The following TMEM181 variants were observed in gnomAD, a reference collection of about 807,000 sequenced individuals.
The protein encoded by TMEM181 is transmembrane protein 181.
TMEM181 carries 39 observed loss-of-function variants against 71.9 expected under a neutral mutation model. That is an observed-to-expected ratio of 0.54 (90% CI 0.42 to 0.71). The LOEUF (loss-of-function observed/expected upper bound fraction) is 0.71. Among genes scored for constraint, TMEM181 ranks in the 30% least tolerant of loss-of-function variants. The pLI, the probability that TMEM181 is intolerant of heterozygous loss-of-function variation, is 0.00. For missense variants in TMEM181, 595 were observed against 583.0 expected (o/e 1.02, Z -0.21); for synonymous variants, 245 against 228.8 (o/e 1.07, Z -0.64).
At chr6:158,606,492 C>T (rs1784966645) in intron 7 of TMEM181, among the ~76,000 whole-genome samples, 1 of 152,224 alleles carries the variant, frequency 6.6e-6, no homozygotes, top group South Asian at 2.1e-4. Context: ...ATTTATTACT[C>T]AGGGCCCCAA....
At chr6:158,574,721 A>G (rs1423039305) in intron 2 of TMEM181, among the ~76,000 whole-genome samples, 1 of 152,184 alleles carries the variant, frequency 6.6e-6, no homozygotes, top group Non-Finnish European at 1.5e-5. Context: ...CAGAATCAAT[A>G]CGAAATATCT....
chr6:158,537,460 G>T (rs1466296336), intron 1 of TMEM181, among the ~76,000 whole-genome samples: 1 of 152,184 alleles, frequency 6.6e-6, no homozygotes, highest in Non-Finnish European at 1.5e-5. Context: ...ACTTGTTTGC[G>T]TTCATCTCTG....
intron 1 of TMEM181, among the ~76,000 whole-genome samples, chr6:158,538,696 G>T (rs146634686): frequency 1.5e-4 from 23 of 152,276 alleles, no homozygotes; most frequent in African/African-American, 5.3e-4. Context: ...CTCTCCTGGG[G>T]CTTACAGATA....
chr6:158,597,527 G>T (rs900655173), intron 6 of TMEM181, among the ~76,000 whole-genome samples: 10 of 151,810 alleles, frequency 6.6e-5, no homozygotes, highest in African/African-American at 2.4e-4. Context: ...TTGAGACAGG[G>T]TTTTGCTCTG....
rs1786760678 is a variant in TMEM181 at position 158,633,291 on chromosome 6, A to T, written c.*1403A>T. Reference sequence around the variant, plus strand: ...GTCAGGTAGGGACGACCTGTTCTGTAAAGTCCTTGGCACTGCTGAATCTGT... The same window carrying T: ...GTCAGGTAGGGACGACCTGTTCTGTTAAGTCCTTGGCACTGCTGAATCTGT... On this transcript the variant is annotated 3_prime_UTR_variant, in exon 17 of 17. Coordinates refer to ENST00000684151, the MANE Select transcript of TMEM181 (RefSeq NM_001376852.1). 1.3e-5 allele frequency: 2 copies of T among 152,220 alleles called. No individual in the cohort carries two copies. The highest frequency in any genetic ancestry group is 4.2e-4 in the South Asian group (2 of 4,816). 9.4% of individuals were successfully genotyped at this position (152,220 alleles called of 1,614,324 possible).
chr6:158,581,054 T>G, intron 3 of TMEM181, 59 bp downstream of exon 3: 1 of 1,508,686 alleles, frequency 6.6e-7, no homozygotes, highest in African/African-American at 1.4e-5. Context: ...CTCAGGTCAC[T>G]GAGAAATGGT....
chr6:158,545,498 G>A (rs1390509799), intron 1 of TMEM181, among the ~76,000 whole-genome samples: 3 of 152,230 alleles, frequency 2.0e-5, no homozygotes, highest in African/African-American at 2.4e-5. Context: ...AGGCAGGCTC[G>A]TCATGAGCAA....
At chr6:158,629,117 A>T (rs548979933) in intron 14 of TMEM181, among the ~76,000 whole-genome samples, 1 of 152,242 alleles carries the variant, frequency 6.6e-6, no homozygotes, top group East Asian at 1.9e-4. Context: ...CAGAAGTCGG[A>T]GAGGTTAGGT....
intron 1 of TMEM181, among the ~76,000 whole-genome samples, chr6:158,551,101 A>T (rs966979866): frequency 2.0e-5 from 3 of 151,888 alleles, no homozygotes; most frequent in Non-Finnish European, 4.4e-5. Flanking sequence ...CTGGGACTGC[A>T]GGCATGCACC....
intron 1 of TMEM181, among the ~76,000 whole-genome samples, chr6:158,545,223 G>A (rs1781489511): frequency 6.6e-6 from 1 of 152,246 alleles, no homozygotes; most frequent in South Asian, 2.1e-4. Flanking sequence ...GAGTTGTGAG[G>A]TTTAGGCCAC....
chr6:158,562,528 A>T (rs1399491588), intron 1 of TMEM181, among the ~76,000 whole-genome samples: 1 of 150,474 alleles, frequency 6.6e-6, no homozygotes, highest in African/African-American at 2.5e-5. Context: ...TGTCTTTTTC[A>T]TCCTGGGGGC....
chr6:158,628,211 A>G (rs1562316567), intron 13 of TMEM181, 197 bp from the exon 14 acceptor site: 2 of 705,784 alleles, frequency 2.8e-6, no homozygotes, highest in Non-Finnish European at 5.1e-6. Context: ...TCCGAGACCA[A>G]AAACCAGAAG....
At chr6:158,572,860 G>T (rs1782943316) in intron 1 of TMEM181, among the ~76,000 whole-genome samples, 1 of 151,212 alleles carries the variant, frequency 6.6e-6, no homozygotes, top group Non-Finnish European at 1.5e-5. Flanking sequence ...GTGGGCTTGT[G>T]GGAATGGCAG....
intron 6 of TMEM181, among the ~76,000 whole-genome samples, chr6:158,595,451 G>A (rs1784337604): frequency 6.6e-6 from 1 of 152,220 alleles, no homozygotes; most frequent in South Asian, 2.1e-4. Context: ...TGATACAGCA[G>A]TAATGCATAC....
chr6:158,608,816 G>C (rs2128317819), intron 10 of TMEM181, 66 bp downstream of exon 10: 1 of 1,497,422 alleles, frequency 6.7e-7, no homozygotes, highest in South Asian at 1.2e-5. Context: ...GGAAAGGCCA[G>C]GCCAGGCGTA....
At position 158,569,588 on chromosome 6, in the gene TMEM181, G is replaced by T. The variant is rs1393324902; in HGVS notation, c.9-3832G>T. ...TGCCTGGGGCGGGTTGTGCCCTCATGCCCTTTCTCTTTTTTTTTTTTTTTT... is the reference window on the plus strand; with the variant it reads ...TGCCTGGGGCGGGTTGTGCCCTCATTCCCTTTCTCTTTTTTTTTTTTTTTT... On this transcript the variant is annotated intron_variant, in intron 1 of 16. Coordinates refer to ENST00000684151, the MANE Select transcript of TMEM181 (RefSeq NM_001376852.1). Among the ~76,000 whole-genome samples the T allele has an allele frequency of 5.3e-5, 8 of 151,552 alleles. No individual in the cohort carries two copies. The South Asian group carries it at 1.5e-3, about 28-fold the overall frequency.
In TMEM181 at chr6:158,580,928, G is replaced by A. The variant is rs372684834; in HGVS notation, c.113-12G>A. 4.4e-6 allele frequency: 7 copies of A among 1,588,304 alleles called. No individual in the cohort carries two copies. Among genetic ancestry groups the A allele is most frequent in the Non-Finnish European group, 6.0e-6 (7 of 1,159,930 alleles). ...CTATAATCTGCTTTTGTCCTTTTCT[G>A]TTACACTTTAGGACCTAAAGTGATC... is the stretch of plus-strand genomic sequence containing the variant. On this transcript the variant is annotated splice_polypyrimidine_tract_variant and intron_variant, in intron 2 of 16. Coordinates refer to ENST00000684151, the MANE Select transcript of TMEM181 (RefSeq NM_001376852.1).
chr6:158,558,101 A>T (rs1781972064), upstream of TMEM181, among the ~76,000 whole-genome samples: 1 of 152,170 alleles, frequency 6.6e-6, no homozygotes, highest in Non-Finnish European at 1.5e-5. Context: ...GACAGGAAGG[A>T]ATTGCCAGGA....
chr6:158,609,070 C>T (rs1014752019), intron 10 of TMEM181, among the ~76,000 whole-genome samples: 1 of 150,410 alleles, frequency 6.6e-6, no homozygotes, highest in African/African-American at 2.5e-5. Flanking sequence ...TGCACTCCAG[C>T]CTGGGCAACA....
Sources: allele counts gnomAD v4.1 joint callset (sites outside exome capture counted in the v4.1 genomes callset), GRCh38; gene constraint gnomAD v4.1.1; transcripts MANE v1.5; gene names NCBI Gene and HGNC (gene_info 2026-07-23, HGNC 2026-07-21).